The following USP18 variants were observed in gnomAD, a reference collection of about 807,000 sequenced individuals.
The protein encoded by USP18 is ubiquitin specific peptidase 18.
Under a neutral mutation model 48.7 loss-of-function variants are expected in USP18, and 11 were observed. That is an observed-to-expected ratio of 0.23 (90% CI 0.14 to 0.37). The LOEUF is 0.37. Among genes scored for constraint, USP18 ranks in the 10% least tolerant of loss-of-function variants. The pLI is 1.00. For synonymous variants in USP18, 114 were observed against 163.2 expected (o/e 0.70, Z 2.30); for missense variants, 285 against 436.4 (o/e 0.65, Z 3.09).
chr22:18,163,575 G>A (rs749851113), intron 4 of USP18, among the ~76,000 whole-genome samples: 7 of 151,874 alleles, frequency 4.6e-5, no homozygotes, highest in South Asian at 2.1e-4. Context: ...CCCGGGAGGC[G>A]GAGCTTGCAG....
At chr22:18,155,870 C>A (rs796785628) in intron 1 of USP18, among the ~76,000 whole-genome samples, 1 of 152,234 alleles carries the variant, frequency 6.6e-6, no homozygotes, top group Non-Finnish European at 1.5e-5. Flanking sequence ...CTGAGGAGTG[C>A]GGGCGCACGG....
At position 18,167,309 on chromosome 22, in the gene USP18, A is replaced by G. The variant is rs1929500310; in HGVS notation, c.455A>G (p.Lys152Arg). The G allele has an allele frequency of 6.2e-7, 1 of 1,613,796 alleles. No homozygotes were observed. The highest frequency in any genetic ancestry group is 1.3e-5 in the African/African-American group (1 of 74,916). The change falls in exon 5 of 11, where the codon AAG (lysine) becomes AGG (arginine). Residue 152 changes from lysine (K) to arginine (R), a missense_variant. Coordinates refer to ENST00000215794, the MANE Select transcript of USP18 (RefSeq NM_017414.4). ...QLYLKLWNLIKDQITDVHLVE... is the reference protein window; with the variant it reads ...QLYLKLWNLIRDQITDVHLVE... ...TACCTCAAACTCTGGAACCTGATTA[A>G]GGACCAGATCACTGATGTGCACTTG...
chr22:18,164,020 T>C (rs1929404129), intron 4 of USP18, among the ~76,000 whole-genome samples: 1 of 152,262 alleles, frequency 6.6e-6, no homozygotes, highest in Non-Finnish European at 1.5e-5. Context: ...CCTGCACTCA[T>C]ATTGAAACTG....
chr22:18,167,646 C>T (rs554149996), intron 5 of USP18, among the ~76,000 whole-genome samples: 22 of 143,154 alleles, frequency 1.5e-4, no homozygotes, highest in South Asian at 1.1e-3. Context: ...TGCAGTGAGC[C>T]GAGATCGCGC....
At chr22:18,164,975 G>A (rs1370705887) in intron 4 of USP18, among the ~76,000 whole-genome samples, 2 of 151,834 alleles carry the variant, frequency 1.3e-5, no homozygotes, top group East Asian at 1.9e-4. Context: ...TTTTCCAACC[G>A]GTTGCGATGT....
chr22:18,152,765 C>T (rs1463435425), intron 1 of USP18, among the ~76,000 whole-genome samples: 1 of 152,124 alleles, frequency 6.6e-6, no homozygotes, highest in Non-Finnish European at 1.5e-5. Flanking sequence ...GCCTCCCTGT[C>T]TCCCCAGTGT....
intron 3 of USP18, among the ~76,000 whole-genome samples, chr22:18,161,030 A>C (rs1929316757): frequency 6.6e-6 from 1 of 152,118 alleles, no homozygotes; most frequent in Non-Finnish European, 1.5e-5. Context: ...TCAGCTTCCC[A>C]AAGTTCTGGG....
intron 8 of USP18, among the ~76,000 whole-genome samples, chr22:18,172,062 C>T (rs747829090): frequency 2.6e-5 from 4 of 152,048 alleles, no homozygotes; most frequent in East Asian, 1.9e-4. Flanking sequence ...GTCCAGGAGT[C>T]GAGCCCAGCT....
intron 2 of USP18, among the ~76,000 whole-genome samples, chr22:18,159,956 C>T (rs1324797504): frequency 3.3e-5 from 5 of 152,034 alleles, no homozygotes; most frequent in Admixed American, 2.6e-4. Flanking sequence ...GGATTACAGG[C>T]GTGAGCCACC....
chr22:18,161,746 G>C (rs1476665093), intron 3 of USP18, 44 bp from the exon 4 acceptor site: 23 of 1,483,144 alleles, frequency 1.6e-5, no homozygotes, highest in Non-Finnish European at 2.1e-5. Context: ...ACCTAGCTTT[G>C]AGAACTACAT....
intron 2 of USP18, among the ~76,000 whole-genome samples, chr22:18,158,906 AG>A (rs1183090055): frequency 2.0e-5 from 3 of 151,966 alleles, no homozygotes; most frequent in African/African-American, 7.3e-5. Context: ...AATGAAAGGA[AG>A]CCATATTCTC....
At chr22:18,157,914 G>T in intron 2 of USP18, 94 bp downstream of exon 2, 3 of 1,510,620 alleles carry the variant, frequency 2.0e-6, no homozygotes, top group South Asian at 1.2e-5. Context: ...TGTATTCGAC[G>T]GCTCATGCTT....
chr22:18,167,759 A>G lies in USP18; in HGVS notation c.481-131A>G, dbSNP rs1929517621. ...CACATAAAACACTTATCACAGTTTC[A>G]TAATATTGTTACTGGTATTATTTTG... is the stretch of plus-strand genomic sequence containing the variant. On this transcript the variant is annotated intron_variant, in intron 5 of 10. Transcript: ENST00000215794. 7 of 1,024,494 alleles carry G rather than the reference A, an allele frequency of 6.8e-6. No individual in the cohort carries two copies. The South Asian group carries it at 1.4e-4, about 20-fold the overall frequency. 63.5% of individuals were successfully genotyped at this position (1,024,494 alleles called of 1,614,324 possible).
intron 4 of USP18, among the ~76,000 whole-genome samples, chr22:18,165,181 T>A (rs2123735750): frequency 9.1e-6 from 1 of 109,700 alleles, no homozygotes; most frequent in African/African-American, 3.4e-5. Flanking sequence ...TGAATTTGAT[T>A]CACTAATATT....
At chr22:18,156,382 T>G (rs1009600250) in intron 1 of USP18, among the ~76,000 whole-genome samples, 3 of 152,216 alleles carry the variant, frequency 2.0e-5, no homozygotes, top group Non-Finnish European at 2.9e-5. Context: ...CCTTCCATGC[T>G]GTGGAAGCTT....
chr22:18,168,684 C>G lies in USP18; in HGVS notation c.627+648C>G, dbSNP rs796672842. Among the ~76,000 whole-genome samples, 27 of 152,184 alleles carry G rather than the reference C, an allele frequency of 1.8e-4. 2 individuals are homozygous for G. Among genetic ancestry groups the G allele is most frequent in the African/African-American group, 6.5e-4 (27 of 41,512 alleles). ...TTACAGGCATGAGCCACCTTGCCCT[C>G]CCCAATTATCTCTCAAAGTCCCCAC... On this transcript the variant is annotated intron_variant, in intron 6 of 10. Transcript: ENST00000215794.
At chr22:18,159,986 A>AT (rs1187386261) in intron 2 of USP18, among the ~76,000 whole-genome samples, 186 bp from the exon 3 acceptor site, 4 of 149,568 alleles carry the variant, frequency 2.7e-5, no homozygotes, top group Non-Finnish European at 5.9e-5. Context: ...TGATTTTTGG[A>AT]TTTTTTTTGT....
In USP18 at chr22:18,173,858, G is replaced by C; in HGVS notation, c.1073+16G>C. 1 of 1,591,968 alleles carries C rather than the reference G, an allele frequency of 6.3e-7. No individual in the cohort carries two copies. Among genetic ancestry groups the C allele is most frequent in the Non-Finnish European group, 8.6e-7 (1 of 1,163,468 alleles). ...ACTACCACTGGTAAGAAACAGATTT[G>C]GGTAATTGGAGTCTGATGAGCTCAC... On this transcript the variant is annotated intron_variant, in intron 10 of 10. Coordinates refer to ENST00000215794, the MANE Select transcript of USP18 (RefSeq NM_017414.4).
At chr22:18,154,043 T>C (rs535982489) in intron 1 of USP18, among the ~76,000 whole-genome samples, 1 of 151,404 alleles carries the variant, frequency 6.6e-6, no homozygotes, top group Non-Finnish European at 1.5e-5. Flanking sequence ...CAAATATCTC[T>C]TCAACATACT....
Sources: allele counts gnomAD v4.1 joint callset (sites outside exome capture counted in the v4.1 genomes callset), GRCh38; gene constraint gnomAD v4.1.1; transcripts MANE v1.5; gene names NCBI Gene and HGNC (gene_info 2026-07-23, HGNC 2026-07-21).